The following CSTA variants were observed in gnomAD, a reference collection of about 807,000 sequenced individuals.
CSTA encodes the protein cystatin-A.
A neutral mutation model predicts 9.2 loss-of-function variants in CSTA; 9 were observed. That is an observed-to-expected ratio of 0.97 (90% CI 0.59 to 1.70). The LOEUF is 1.70. Ranked by LOEUF, CSTA falls within the 40% of genes most tolerant of loss-of-function variation. CSTA has a pLI of 0.00. For synonymous variants in CSTA, 36 were observed against 40.6 expected (o/e 0.89, Z 0.43); for missense variants, 118 against 113.1 (o/e 1.04, Z -0.20).
intron 1 of CSTA, among the ~76,000 whole-genome samples, chr3:122,335,759 G>A (rs1293678245): frequency 2.0e-5 from 3 of 151,920 alleles, no homozygotes; most frequent in East Asian, 3.9e-4. Context: ...AGCCTCCTGA[G>A]TAGCTGGAAT....
intron 1 of CSTA, among the ~76,000 whole-genome samples, chr3:122,334,957 T>A (rs145707272): frequency 1.3e-5 from 2 of 152,286 alleles, no homozygotes; most frequent in East Asian, 1.9e-4. Flanking sequence ...CTGATCTGTA[T>A]GAAGGACAGT....
At chr3:122,331,973 T>C (rs531633905) in intron 1 of CSTA, among the ~76,000 whole-genome samples, 1 of 152,324 alleles carries the variant, frequency 6.6e-6, no homozygotes, top group East Asian at 1.9e-4. Context: ...GCACGCAACC[T>C]TGATCCTTTG....
Position 122,337,625 on chromosome 3 carries a change from G to T in CSTA, c.145G>T (p.Ala49Ser). The T allele has an allele frequency of 6.2e-7, 1 of 1,611,664 alleles. No homozygotes were observed. Among genetic ancestry groups the T allele is most frequent in the Non-Finnish European group, 8.5e-7 (1 of 1,177,846 alleles). ...TGTGCAGTATAAAACTCAAGTTGTT[G>T]CTGGAACAAATTACTACATTAAGGT... Reference protein sequence around the residue: ...EAVQYKTQVVAGTNYYIKVRA... With the variant: ...EAVQYKTQVVSGTNYYIKVRA... The change falls in exon 2 of 3, where the codon GCT becomes TCT. Residue 49 changes from alanine to serine, a missense_variant. Coordinates refer to ENST00000264474, the MANE Select transcript of CSTA (RefSeq NM_005213.4).
intron 2 of CSTA, among the ~76,000 whole-genome samples, chr3:122,340,125 A>T (rs1337201094): frequency 6.6e-6 from 1 of 152,196 alleles, no homozygotes; most frequent in East Asian, 1.9e-4. Context: ...TAAAATTAGG[A>T]TAGGAAGTGA....
At chr3:122,339,214 T>TC (rs2075251491) in intron 2 of CSTA, among the ~76,000 whole-genome samples, 1 of 152,192 alleles carries the variant, frequency 6.6e-6, no homozygotes. Flanking sequence ...GGGAAGCTCC[T>TC]CCTCCTCTCT....
intron 1 of CSTA, among the ~76,000 whole-genome samples, chr3:122,326,540 A>T (rs939140274): frequency 1.3e-5 from 2 of 152,236 alleles, no homozygotes; most frequent in African/African-American, 4.8e-5. Context: ...TTGTGTGATT[A>T]TAAGAGTTGG....
chr3:122,337,405 C>T (rs1378811274), intron 1 of CSTA, 142 bp from the exon 2 acceptor site: 1 of 645,278 alleles, frequency 1.5e-6, no homozygotes, highest in African/African-American at 1.8e-5. Flanking sequence ...CAGGTGTTTT[C>T]TATTGAAATA....
intron 1 of CSTA, among the ~76,000 whole-genome samples, chr3:122,328,499 CAAAAAAAA>C (rs34247215): frequency 3.5e-5 from 3 of 86,036 alleles, no homozygotes; most frequent in East Asian, 3.4e-4. Flanking sequence ...GATTCCATCT[CAAAAAAAA>C]AAAAAAAAAA....
At chr3:122,336,946 C>T (rs1241015337) in intron 1 of CSTA, among the ~76,000 whole-genome samples, 2 of 152,046 alleles carry the variant, frequency 1.3e-5, no homozygotes, top group Admixed American at 1.3e-4. Flanking sequence ...AAGGAATGAA[C>T]CCAGATTGTA....
rs748297643 is a variant in CSTA at position 122,337,649 on chromosome 3, G to A, written c.168+1G>A. On this transcript the variant is annotated splice_donor_variant, in intron 2 of 2. Coordinates refer to ENST00000264474, the MANE Select transcript of CSTA (RefSeq NM_005213.4). LOFTEE classifies it high-confidence loss of function. ...TGCTGGAACAAATTACTACATTAAG[G>A]TTAGAGTTCAGCACCTACTTTAGCG... The A allele has an allele frequency of 4.4e-6, 7 of 1,584,918 alleles. No individual in the cohort carries two copies. The highest frequency in any genetic ancestry group is 1.7e-5 in the Admixed American group (1 of 59,976).
At chr3:122,341,364 CT>C in intron 2 of CSTA, 74 bp from the exon 3 acceptor site, 5 of 1,516,156 alleles carry the variant, frequency 3.3e-6, no homozygotes, top group Non-Finnish European at 4.6e-6. Flanking sequence ...CTTTGTAGAC[CT>C]GTGGCTCTCT....
chr3:122,338,574 T>C (rs2075248623), intron 2 of CSTA, among the ~76,000 whole-genome samples: 1 of 151,282 alleles, frequency 6.6e-6, no homozygotes, highest in Non-Finnish European at 1.5e-5. Flanking sequence ...TACAGAGCTA[T>C]GTACACAGAT....
intron 1 of CSTA, among the ~76,000 whole-genome samples, chr3:122,333,458 CT>C (rs1477544219): frequency 1.1e-4 from 16 of 151,196 alleles, no homozygotes; most frequent in South Asian, 8.3e-4. Flanking sequence ...TTGTAGTGAG[CT>C]GAGATTGTGC....
At chr3:122,325,843 G>T (rs996661791) in intron 1 of CSTA, among the ~76,000 whole-genome samples, 1 of 152,142 alleles carries the variant, frequency 6.6e-6, no homozygotes, top group African/African-American at 2.4e-5. Flanking sequence ...ATACACTTTT[G>T]CCCAAATAGA....
intron 1 of CSTA, among the ~76,000 whole-genome samples, chr3:122,329,593 G>A (rs1039251740): frequency 4.1e-4 from 63 of 152,088 alleles, no homozygotes; most frequent in Middle Eastern, 3.4e-3. Flanking sequence ...ATAAATACAG[G>A]AAATGAATAT....
intron 2 of CSTA, among the ~76,000 whole-genome samples, chr3:122,340,408 G>A (rs770115958): frequency 5.9e-5 from 9 of 152,096 alleles, no homozygotes; most frequent in Middle Eastern, 3.4e-3. Flanking sequence ...GGATTCAAGC[G>A]ATTCTCCTGC....
intron 1 of CSTA, among the ~76,000 whole-genome samples, chr3:122,329,367 G>T (rs2107665480): frequency 6.6e-6 from 1 of 152,226 alleles, no homozygotes; most frequent in Middle Eastern, 3.4e-3. Context: ...TGATCTGGGT[G>T]GTTCAAGGGC....
At chr3:122,326,758 T>C (rs1015781714) in intron 1 of CSTA, among the ~76,000 whole-genome samples, 5 of 152,264 alleles carry the variant, frequency 3.3e-5, no homozygotes, top group Non-Finnish European at 5.9e-5. Flanking sequence ...AACTTGAATG[T>C]GCACATGAAT....
intron 1 of CSTA, among the ~76,000 whole-genome samples, chr3:122,327,865 C>T (rs1001093090): frequency 1.3e-5 from 2 of 152,004 alleles, no homozygotes; most frequent in African/African-American, 4.8e-5. Flanking sequence ...ATCTATCACT[C>T]GATTAGCAAG....
Sources: allele counts gnomAD v4.1 joint callset (sites outside exome capture counted in the v4.1 genomes callset), GRCh38; gene constraint gnomAD v4.1.1; transcripts MANE v1.5; gene names NCBI Gene and HGNC (gene_info 2026-07-23, HGNC 2026-07-21).